COL18A1: variants seen among roughly 807,000 people sequenced by gnomAD.
COL18A1 encodes collagen alpha-1(XVIII) chain.
Under a neutral mutation model 168.0 loss-of-function variants are expected in COL18A1, and 133 were observed. The ratio of observed to expected loss-of-function variants is 0.79; its 90% confidence interval spans 0.69 to 0.91. The LOEUF (loss-of-function observed/expected upper bound fraction) is 0.91. COL18A1 is among the 40% of genes least tolerant of loss of function. The pLI is 0.00. For synonymous variants in COL18A1, 949 were observed against 809.0 expected (o/e 1.17, Z -2.94); for missense variants, 2,126 against 1,925.4 (o/e 1.10, Z -1.95).
rs1042425321 is a variant in COL18A1, at chr21:45,471,501, A to G, written c.652-2394A>G. The stretch of plus-strand genomic sequence containing the variant: ...CTCCTCAGCCTCTCCACAAGACTGC[A>G]TCGACCCTGGCGCTGCCACAGATGG... On this transcript the variant is annotated intron_variant, in intron 3 of 41. Coordinates refer to ENST00000651438, the MANE Select transcript of COL18A1 (RefSeq NM_001379500.1). This position sits in a 1 kb window ranked among gnomAD's most constrained non-coding sequence, Gnocchi z 4.4. 3.9e-5 allele frequency among the ~76,000 whole-genome samples: 6 copies of G among 152,186 alleles called. No individual in the cohort carries two copies. Among genetic ancestry groups the G allele is most frequent in the Non-Finnish European group, 8.8e-5 (6 of 68,022 alleles).
At chr21:45,508,736 C>T (rs185617352) in intron 38 of COL18A1, among the ~76,000 whole-genome samples, 16 of 152,262 alleles carry the variant, frequency 1.1e-4, no homozygotes, top group African/African-American at 3.9e-4. Context: ...TTCTTTCATT[C>T]AGCCAGTCAA....
chr21:45,509,680 G>A (rs2037456356), intron 39 of COL18A1, 79 bp downstream of exon 39: 2 of 836,322 alleles, frequency 2.4e-6, no homozygotes, highest in African/African-American at 1.7e-5. Flanking sequence ...AGCCCCTGCA[G>A]AGCTGCTGGG....
intron 2 of COL18A1, chr21:45,456,528 G>A (rs750022736): frequency 9.0e-6 from 14 of 1,547,596 alleles, no homozygotes; most frequent in Admixed American, 2.0e-5. Flanking sequence ...CCCGCCGGTC[G>A]CTGCCTGCCC....
chr21:45,423,964 A>G lies in COL18A1; in HGVS notation c.106+18491A>G, dbSNP rs961784971. 3 of 152,418 alleles carry G rather than the reference A, an allele frequency of 2.0e-5. No individual in the cohort carries two copies. Among genetic ancestry groups the G allele is most frequent in the South Asian group, 2.1e-4 (1 of 4,826 alleles). 9.4% of individuals were successfully genotyped at this position (152,418 alleles called of 1,614,324 possible). On this transcript the variant is annotated intron_variant, in intron 2 of 41. Transcript: ENST00000651438. The surrounding 1 kb of genome is among the most constrained non-coding windows in gnomAD (Gnocchi z 4.0). The stretch of plus-strand genomic sequence containing the variant: ...GAGGCTGTAGGAGCAGCTGCCTCCC[A>G]GTGAATTCTGATGCACAGACAGGGG...
chr21:45,405,564 C>T (rs2033070576), intron 2 of COL18A1, 91 bp downstream of exon 2: 2 of 790,662 alleles, frequency 2.5e-6, no homozygotes, highest in Admixed American at 4.8e-5. Context: ...CTCACCCCCG[C>T]CCCGGCCGCT....
intron 26 of COL18A1, 25 bp downstream of exon 26, chr21:45,493,600 G>T: frequency 6.6e-7 from 1 of 1,525,278 alleles, no homozygotes; most frequent in South Asian, 1.2e-5. Flanking sequence ...GCCTCCTTCC[G>T]GCAGGCGTGG....
intron 2 of COL18A1, among the ~76,000 whole-genome samples, chr21:45,441,850 C>T (rs775857727): frequency 1.2e-4 from 19 of 152,218 alleles, no homozygotes; most frequent in Non-Finnish European, 2.2e-4. Context: ...ACACGGCTCT[C>T]TCCATAAAGG....
intron 2 of COL18A1, among the ~76,000 whole-genome samples, chr21:45,444,387 G>A (rs2145825453): frequency 6.6e-6 from 1 of 152,292 alleles, no homozygotes; most frequent in Non-Finnish European, 1.5e-5. Context: ...CAGAGTGAAT[G>A]AAGGACGTTG....
At chr21:45,450,418 C>A (rs187678499) in intron 2 of COL18A1, among the ~76,000 whole-genome samples, 217 of 152,328 alleles carry the variant, frequency 1.4e-3, no homozygotes, top group African/African-American at 4.9e-3. Context: ...TGGCCAGAAG[C>A]AGGAGGGACG....
At chr21:45,500,401 T>C (rs1048057204) in intron 32 of COL18A1, among the ~76,000 whole-genome samples, 8 of 98,954 alleles carry the variant, frequency 8.1e-5, no homozygotes, top group Non-Finnish European at 1.6e-4. Context: ...TGTGTGTATG[T>C]GGGTGTTGGG....
chr21:45,416,535 C>T (rs1190523139), intron 2 of COL18A1, among the ~76,000 whole-genome samples: 1 of 152,176 alleles, frequency 6.6e-6, no homozygotes. Flanking sequence ...TCCTGGGCCT[C>T]GGTCCGTCCT....
chr21:45,509,969 T>C, intron 39 of COL18A1, 95 bp from the exon 40 acceptor site: 1 of 1,406,096 alleles, frequency 7.1e-7, no homozygotes, highest in East Asian at 2.5e-5. Flanking sequence ...CGGCCGTGCC[T>C]GTCCACACAG....
At chr21:45,494,028 C>T in intron 26 of COL18A1, 1 of 256,820 alleles carries the variant, frequency 3.9e-6, no homozygotes, top group Non-Finnish European at 7.6e-6. Context: ...CAGGCAGCCG[C>T]CCAGAAAAGC....
chr21:45,511,460 C>T (rs759197606), intron 41 of COL18A1, among the ~76,000 whole-genome samples: 1 of 152,178 alleles, frequency 6.6e-6, no homozygotes, highest in Non-Finnish European at 1.5e-5. Flanking sequence ...GAAGGTGCCC[C>T]CGGCCCTCTG....
Position 45,512,674 on chromosome 21 carries a change from C to T in COL18A1, c.*276C>T. ...GTCAGGCAGGGTGCAGTATCATGCC[C>T]TGTGCAACCTCTTGGCCTGATCAGA... On this transcript the variant is annotated 3_prime_UTR_variant, in exon 42 of 42. Transcript: ENST00000651438. 1.9e-6 allele frequency: 1 copy of T among 526,838 alleles called. No individual in the cohort carries two copies. Among genetic ancestry groups the T allele is most frequent in the Non-Finnish European group, 3.4e-6 (1 of 290,230 alleles). The allele number at this position is 526,838 out of a possible 1,614,324, so 32.6% of individuals were successfully genotyped here. A position where few individuals can be genotyped will look rare whatever the true frequency, so the allele number is the denominator to read the frequency against.
chr21:45,421,615 C>CA (rs1569278868), intron 2 of COL18A1: 1 of 532,660 alleles, frequency 1.9e-6, no homozygotes, highest in Admixed American at 1.9e-5. Context: ...CTCTTGCCTG[C>CA]AGGCCTGGAA....
chr21:45,429,448 G>A (rs189482099), intron 2 of COL18A1, among the ~76,000 whole-genome samples: 547 of 152,304 alleles, frequency 3.6e-3, no homozygotes, highest in African/African-American at 6.3e-3. Context: ...GTCAGCGGAC[G>A]TTGATTGGCA....
intron 2 of COL18A1, among the ~76,000 whole-genome samples, chr21:45,440,600 C>G (rs868810706): frequency 7.3e-6 from 1 of 136,998 alleles, no homozygotes; most frequent in Non-Finnish European, 1.6e-5. Flanking sequence ...CGGAAGCAGT[C>G]GGGGCCTGCT....
In COL18A1 at chr21:45,418,061, C is replaced by T. The variant is rs568086157; in HGVS notation, c.106+12588C>T. Among the ~76,000 whole-genome samples the T allele has an allele frequency of 7.9e-5, 12 of 152,338 alleles. No individual in the cohort carries two copies. The East Asian group carries it at 1.2e-3, about 15-fold the overall frequency. ...TCGTTAACGTGTGCCGCCCCCGGAG[C>T]GCTGGCTGTGAGTGGGGGCGCCTGG... On this transcript the variant is annotated intron_variant, in intron 2 of 41. Transcript: ENST00000651438.
Sources: gnomAD v4.1 joint callset for allele counts (sites outside exome capture counted in the v4.1 genomes callset) on GRCh38, gnomAD v4.1.1 for gene constraint, Gnocchi (gnomAD v3.1) non-coding constraint, MANE v1.5 for transcripts, NCBI Gene and HGNC (gene_info 2026-07-23, HGNC 2026-07-21) for gene names.